Variants in METTL24 observed in about 807,000 individuals in gnomAD.
The protein encoded by METTL24 is probable methyltransferase-like protein 24.
METTL24 carries 29 observed loss-of-function variants against 32.7 expected under a neutral mutation model. That is an observed-to-expected ratio of 0.89 (90% confidence interval 0.66 to 1.21). The LOEUF (loss-of-function observed/expected upper bound fraction) is 1.21, where lower values mean the gene tolerates loss of function less well. METTL24 is among the 50% of genes most tolerant of loss of function. The pLI is 0.00. For missense variants in METTL24, 439 were observed against 468.1 expected (o/e 0.94, Z 0.57); for synonymous variants, 163 against 179.5 (o/e 0.91, Z 0.73).
intron 3 of METTL24, among the ~76,000 whole-genome samples, chr6:110,312,223 GA>G (rs1225114339): frequency 2.6e-5 from 4 of 152,202 alleles, no homozygotes; most frequent in Non-Finnish European, 5.9e-5. Flanking sequence ...AGGATTTAGA[GA>G]AAAGGGAACT....
chr6:110,312,900 C>G (rs1771749527), intron 3 of METTL24, among the ~76,000 whole-genome samples: 1 of 152,226 alleles, frequency 6.6e-6, no homozygotes, highest in Admixed American at 6.5e-5. Flanking sequence ...AGTGTGGGAA[C>G]AGGCCAGAGC....
chr6:110,246,996 C>T (rs1409795633), intron 4 of METTL24, among the ~76,000 whole-genome samples: 2 of 146,562 alleles, frequency 1.4e-5, no homozygotes, highest in Non-Finnish European at 3.0e-5. Context: ...ATTTAATGAA[C>T]ACAAGTTCAC....
rs9481055 is a variant in METTL24, at chr6:110,301,491, G to A, written c.558-2341C>T. On this transcript the variant is annotated intron_variant, in intron 3 of 4. Coordinates refer to ENST00000338882, the MANE Select transcript of METTL24 (RefSeq NM_001123364.3). Reference sequence around the variant, plus strand: ...CCAGTCCAGATCCTAGGCCTTCAGTGCTTCTGTTCTCTCTCTTACACTGTC... The same window carrying A: ...CCAGTCCAGATCCTAGGCCTTCAGTACTTCTGTTCTCTCTCTTACACTGTC... Among the ~76,000 whole-genome samples the A allele has an allele frequency of 9.7e-3, 1,471 of 152,252 alleles. 15 individuals carry two copies. Among genetic ancestry groups the A allele is most frequent in the African/African-American group, 0.034 (1,405 of 41,530 alleles).
intron 4 of METTL24, among the ~76,000 whole-genome samples, chr6:110,265,178 A>T (rs868730369): frequency 1.5e-5 from 2 of 134,876 alleles, no homozygotes; most frequent in Non-Finnish European, 1.7e-5. Flanking sequence ...AGAAAGAAAG[A>T]AAGAAAGAAA....
At chr6:110,315,912 A>C (rs576925924) in intron 2 of METTL24, among the ~76,000 whole-genome samples, 14 of 152,286 alleles carry the variant, frequency 9.2e-5, no homozygotes, top group South Asian at 2.1e-4. Flanking sequence ...TTCGTTACTC[A>C]CAGAGTCCCT....
chr6:110,319,000 T>C (rs1771879768), intron 2 of METTL24, among the ~76,000 whole-genome samples: 4 of 152,216 alleles, frequency 2.6e-5, no homozygotes, highest in African/African-American at 9.7e-5. Flanking sequence ...GGAAAAAATA[T>C]TTTGTGAAAT....
At chr6:110,300,831 A>G (rs932740867) in intron 3 of METTL24, among the ~76,000 whole-genome samples, 2 of 152,240 alleles carry the variant, frequency 1.3e-5, no homozygotes, top group African/African-American at 4.8e-5. Flanking sequence ...ATAATACAAC[A>G]TTAAAAATAG....
intron 4 of METTL24, among the ~76,000 whole-genome samples, chr6:110,263,957 T>C (rs1323351714): frequency 6.6e-6 from 1 of 152,172 alleles, no homozygotes; most frequent in Non-Finnish European, 1.5e-5. Flanking sequence ...TTAGACCTTA[T>C]ACAAAAATTA....
chr6:110,317,980 G>C (rs1336981993), intron 2 of METTL24, among the ~76,000 whole-genome samples: 1 of 152,110 alleles, frequency 6.6e-6, no homozygotes, highest in Non-Finnish European at 1.5e-5. Context: ...AAAGGTTCCA[G>C]CCTAGTCACA....
At chr6:110,271,564 A>C (rs1183354508) in intron 4 of METTL24, among the ~76,000 whole-genome samples, 6 of 152,084 alleles carry the variant, frequency 3.9e-5, no homozygotes, top group Non-Finnish European at 8.8e-5. Context: ...TGTGCTGAAA[A>C]TTTTCACCCA....
intron 4 of METTL24, among the ~76,000 whole-genome samples, chr6:110,283,099 C>T (rs1379948516): frequency 6.6e-6 from 1 of 152,100 alleles, no homozygotes; most frequent in Non-Finnish European, 1.5e-5. Flanking sequence ...GAGCAAGAGA[C>T]CTTTTTGCTG....
At chr6:110,265,475 C>T (rs183692119) in intron 4 of METTL24, among the ~76,000 whole-genome samples, 10 of 152,290 alleles carry the variant, frequency 6.6e-5, no homozygotes, top group Admixed American at 1.3e-4. Flanking sequence ...TCTAGCTGAC[C>T]TCAATGCTGC....
chr6:110,251,746 G>A (rs1222538657), intron 4 of METTL24, among the ~76,000 whole-genome samples: 2 of 152,050 alleles, frequency 1.3e-5, no homozygotes, highest in Non-Finnish European at 2.9e-5. Flanking sequence ...GGGAGTAAAC[G>A]GGCAAACTCC....
intron 1 of METTL24, among the ~76,000 whole-genome samples, chr6:110,353,828 A>G (rs1054359551): frequency 4.6e-5 from 7 of 152,172 alleles, no homozygotes; most frequent in South Asian, 2.1e-4. Context: ...ACATCCACCC[A>G]AGAGCTGCAT....
At chr6:110,285,106 A>C (rs909613309) in intron 4 of METTL24, among the ~76,000 whole-genome samples, 11 of 152,258 alleles carry the variant, frequency 7.2e-5, no homozygotes, top group African/African-American at 2.7e-4. Flanking sequence ...GGCTTGTCAC[A>C]TGGGTGGTTT....
At chr6:110,259,591 C>T (rs574470000) in intron 4 of METTL24, among the ~76,000 whole-genome samples, 5 of 152,350 alleles carry the variant, frequency 3.3e-5, no homozygotes, top group Admixed American at 3.3e-4. Context: ...ACTTAAATGT[C>T]TCTGTCTGAC....
At chr6:110,355,766 C>G (rs1772687020) in intron 1 of METTL24, among the ~76,000 whole-genome samples, 1 of 152,184 alleles carries the variant, frequency 6.6e-6, no homozygotes, top group South Asian at 2.1e-4. Flanking sequence ...AATAACTGCT[C>G]CTCCTCATCC....
In METTL24 at chr6:110,294,649, C is replaced by T. The variant is rs1771378002; in HGVS notation, c.786+4273G>A. ...ACAATCCAGGCATATATTGAATGCA[C>T]TGCTCTTATAAGCTATACATAAACT... On this transcript the variant is annotated intron_variant, in intron 4 of 4. Coordinates refer to ENST00000338882, the MANE Select transcript of METTL24 (RefSeq NM_001123364.3). Among the ~76,000 whole-genome samples the T allele has an allele frequency of 2.0e-5, 3 of 152,088 alleles. No individual in the cohort carries two copies. The South Asian group carries it at 6.2e-4, about 32-fold the overall frequency.
rs1484652719 is a variant in METTL24, at chr6:110,358,146, G to A, written c.127C>T (p.Arg43Cys). The A allele has an allele frequency of 3.4e-6, 4 of 1,169,278 alleles. No homozygotes were observed. Among genetic ancestry groups the A allele is most frequent in the Non-Finnish European group, 3.2e-6 (3 of 949,354 alleles). The allele number at this position is 1,169,278 out of a possible 1,614,324, so 72.4% of individuals were successfully genotyped here. Residue 43 changes from arginine (R) to cysteine (C), a missense_variant, in exon 1 of 5, where the codon CGC becomes TGC. Transcript: ENST00000338882. ...CAGGCCGGGCCCGGCGGGGCGCTGC[G>A]GGTGGGGGACCCGGGCCCGGCGCGC... The part of the protein sequence containing the change: ...LRRAGPGSPT[R>C]SAPPGPAWRP...
Sources: allele counts gnomAD v4.1 joint callset (sites outside exome capture counted in the v4.1 genomes callset), GRCh38; gene constraint gnomAD v4.1.1; transcripts MANE v1.5; gene names NCBI Gene and HGNC (gene_info 2026-07-23, HGNC 2026-07-21).